CLC: variants seen among roughly 807,000 people sequenced by gnomAD.
CLC encodes the protein galectin-10.
In CLC, 15 loss-of-function variants were observed where a neutral mutation model predicts 13.9. That is an observed-to-expected ratio of 1.08 (90% confidence interval 0.72 to 1.66). The LOEUF (loss-of-function observed/expected upper bound fraction) is 1.66. Ranked by LOEUF, CLC falls within the 40% of genes most tolerant of loss-of-function variation. The pLI is 0.00. For missense variants in CLC, 161 were observed against 169.1 expected (o/e 0.95, Z 0.27); for synonymous variants, 68 against 59.9 (o/e 1.14, Z -0.63).
intron 3 of CLC, among the ~76,000 whole-genome samples, chr19:39,733,306 C>A (rs1159783267): frequency 1.3e-5 from 2 of 152,138 alleles, no homozygotes; most frequent in Non-Finnish European, 2.9e-5. Context: ...TTTGGCCTAC[C>A]CATTTGAAAT....
At chr19:39,733,988 G>C (rs961320100) in intron 3 of CLC, 7 of 985,218 alleles carry the variant, frequency 7.1e-6, no homozygotes, top group Non-Finnish European at 8.4e-6. Flanking sequence ...ATTGACCCTG[G>C]TCAGGTATGG....
chr19:39,735,086 T>G lies in CLC; in HGVS notation c.16-13A>C. 1 of 1,597,980 alleles carries G rather than the reference T, an allele frequency of 6.3e-7. No individual in the cohort carries two copies. Among genetic ancestry groups the G allele is most frequent in the Non-Finnish European group, 8.6e-7 (1 of 1,165,530 alleles). On this transcript the variant is annotated splice_polypyrimidine_tract_variant and intron_variant, in intron 1 of 3. Coordinates refer to ENST00000221804, the MANE Select transcript of CLC (RefSeq NM_001828.6). ...CTGTGTATGGCACCTGCCAGGGGATTGAGAGTGGGTGAGAGAGGCAGGGCC... is the reference window on the plus strand; with the variant it reads ...CTGTGTATGGCACCTGCCAGGGGATGGAGAGTGGGTGAGAGAGGCAGGGCC...
rs2144917629 is a variant in CLC at position 39,734,466 on chromosome 19, G to A, written c.120C>T (p.Phe40=). 6.2e-7 allele frequency: 1 copy of A among 1,614,108 alleles called. No individual in the cohort carries two copies. The highest frequency in any genetic ancestry group is 8.5e-7 in the Non-Finnish European group (1 of 1,179,972). The stretch of plus-strand genomic sequence containing the variant: ...CTGATTCCTCCTTCATCTCAGTGTG[G>A]AAATCCACCTGCAGATATGGTTCAT... ...FLNEPYLQVD[F]HTEMKEESDI... Residue 40 remains phenylalanine, a synonymous_variant, in exon 3 of 4, where the codon TTC becomes TTT. Transcript: ENST00000221804.
At chr19:39,735,886 C>G (rs1308568251) in intron 1 of CLC, among the ~76,000 whole-genome samples, 3 of 152,164 alleles carry the variant, frequency 2.0e-5, no homozygotes, top group Non-Finnish European at 1.5e-5. Flanking sequence ...TAGAGAGATT[C>G]ACTCCAGTAA....
intron 3 of CLC, 49 bp from the exon 4 acceptor site, chr19:39,731,554 G>A (rs1183428338): frequency 4.5e-6 from 7 of 1,560,034 alleles, no homozygotes; most frequent in Non-Finnish European, 6.1e-6. Context: ...CACCAAACAA[G>A]CTTTCAGCCT....
In CLC at chr19:39,735,040, C is replaced by G; in HGVS notation, c.49G>C (p.Gly17Arg). Residue 17 changes from glycine (G) to arginine (R), a missense_variant, in exon 2 of 4, where the codon GGT becomes CGT. Transcript: ENST00000221804. Reference sequence around the variant, plus strand: ...CGCCCTTTGATTGTCACAGTAGAACCAGTAGACAAAGAGGCAGCCTCTGTG... The same window carrying G: ...CGCCCTTTGATTGTCACAGTAGAACGAGTAGACAAAGAGGCAGCCTCTGTG... ...PYTEAASLST[G>R]STVTIKGRPL... The G allele has an allele frequency of 6.2e-7, 1 of 1,613,896 alleles. No individual in the cohort carries two copies. Among genetic ancestry groups the G allele is most frequent in the Non-Finnish European group, 8.5e-7 (1 of 1,179,830 alleles).
chr19:39,737,966 T>C lies in CLC; in HGVS notation c.-14A>G. The C allele has an allele frequency of 6.2e-7, 1 of 1,612,730 alleles. No homozygotes were observed. Among genetic ancestry groups the C allele is most frequent in the Non-Finnish European group, 8.5e-7 (1 of 1,179,040 alleles). On this transcript the variant is annotated 5_prime_UTR_variant, in exon 1 of 4. Coordinates refer to ENST00000221804, the MANE Select transcript of CLC (RefSeq NM_001828.6). Reference sequence around the variant, plus strand: ...TAGCAGGGACATTGTTGTCTCCTTCTGGGTGGCTCTTCTGAATTGTGTCCA... The same window carrying C: ...TAGCAGGGACATTGTTGTCTCCTTCCGGGTGGCTCTTCTGAATTGTGTCCA...
At chr19:39,733,773 A>G (rs553379379) in intron 3 of CLC, 18 of 132,060 alleles carry the variant, frequency 1.4e-4, no homozygotes, top group African/African-American at 1.1e-3. Flanking sequence ...TTCTATAAGG[A>G]TAGACTATGG....
At chr19:39,734,575 T>C in intron 2 of CLC, 82 bp from the exon 3 acceptor site, 1 of 1,252,358 alleles carries the variant, frequency 8.0e-7, no homozygotes, top group Non-Finnish European at 1.2e-6. Context: ...TCTTTGCCCC[T>C]TCCGTGGTCG....
rs556240638 is a variant in CLC at position 39,732,351 on chromosome 19, C to T, written c.304-846G>A. Reference sequence around the variant, plus strand: ...GCGGTGTTTGGTTTTTTTGTTCTTGCGATAGTTTACTGAGAATGATGATTT... The same window carrying T: ...GCGGTGTTTGGTTTTTTTGTTCTTGTGATAGTTTACTGAGAATGATGATTT... On this transcript the variant is annotated intron_variant, in intron 3 of 3. Coordinates refer to ENST00000221804, the MANE Select transcript of CLC (RefSeq NM_001828.6). 1.8e-3 allele frequency among the ~76,000 whole-genome samples: 175 copies of T among 98,634 alleles called. 1 individual carries two copies. Among genetic ancestry groups the T allele is most frequent in the South Asian group, 5.4e-3 (15 of 2,776 alleles). 64.7% of individuals were successfully genotyped at this position (98,634 alleles called of 152,430 possible). A position where few individuals can be genotyped will look rare whatever the true frequency, so the allele number is the denominator to read the frequency against.
intron 3 of CLC, among the ~76,000 whole-genome samples, chr19:39,732,637 A>G (rs1408478423): frequency 1.5e-5 from 2 of 131,810 alleles, no homozygotes; most frequent in Non-Finnish European, 3.3e-5. Flanking sequence ...TTCTAGTTCT[A>G]GATCCCTGAG....
In CLC at chr19:39,731,454, C is replaced by T; in HGVS notation, c.355G>A (p.Glu119Lys). The part of the protein sequence containing the change: ...SYTFDHRIKP[E>K]AVKMVQVWRD... ...CACACTTGCACCATCTTCACAGCCT[C>T]AGGCTTGATTCTATGGTCAAAGGTG... Residue 119 changes from glutamate (E) to lysine (K), a missense_variant, in exon 4 of 4, where the codon GAG (glutamate) becomes AAG (lysine). Physicochemically the swap from Glu to Lys is moderately conservative, Grantham distance 56. Coordinates refer to ENST00000221804, the MANE Select transcript of CLC (RefSeq NM_001828.6). The T allele has an allele frequency of 6.2e-7, 1 of 1,613,738 alleles. No homozygotes were observed. Among genetic ancestry groups the T allele is most frequent in the Non-Finnish European group, 8.5e-7 (1 of 1,179,676 alleles).
At chr19:39,736,035 G>A (rs104734) in intron 1 of CLC, among the ~76,000 whole-genome samples, 3 of 152,088 alleles carry the variant, frequency 2.0e-5, no homozygotes, top group Admixed American at 6.5e-5. Flanking sequence ...CTGTTTGTTT[G>A]GTGATTTTAT....
chr19:39,737,416 T>C (rs1967329607), intron 1 of CLC, among the ~76,000 whole-genome samples: 1 of 151,848 alleles, frequency 6.6e-6, no homozygotes, highest in Non-Finnish European at 1.5e-5. Context: ...AACCTTCACA[T>C]GCACAGAAGG....
intron 3 of CLC, among the ~76,000 whole-genome samples, chr19:39,732,805 C>T (rs1315849522): frequency 1.3e-5 from 2 of 151,604 alleles, no homozygotes; most frequent in African/African-American, 4.9e-5. Context: ...AACGTTAGAC[C>T]TAAAACCATA....
At chr19:39,737,838 C>A in intron 1 of CLC, 100 bp downstream of exon 1, 1 of 1,208,422 alleles carries the variant, frequency 8.3e-7, no homozygotes, top group Non-Finnish European at 1.2e-6. Flanking sequence ...CTCAGTAAAG[C>A]ATTCACAGTA....
In CLC at chr19:39,734,428, T is replaced by C; in HGVS notation, c.158A>G (p.His53Arg). 6.2e-7 allele frequency: 1 copy of C among 1,614,136 alleles called. No homozygotes were observed. Among genetic ancestry groups the C allele is most frequent in the South Asian group, 1.1e-5 (1 of 91,084 alleles). Reference sequence around the variant, plus strand: ...ACGACGACCAAAGCACACTTGGAAATGGAAGACAATGTCTGATTCCTCCTT... The same window carrying C: ...ACGACGACCAAAGCACACTTGGAAACGGAAGACAATGTCTGATTCCTCCTT... ...EMKEESDIVF[H>R]FQVCFGRRVV... Residue 53 changes from histidine to arginine, a missense_variant, in exon 3 of 4, where the codon CAT becomes CGT. Transcript: ENST00000221804.
chr19:39,732,084 TA>T (rs1041652716), intron 3 of CLC, among the ~76,000 whole-genome samples: 32 of 35,032 alleles, frequency 9.1e-4, no homozygotes, highest in South Asian at 5.9e-3. Flanking sequence ...ATTTATTATT[TA>T]TTTTTTTTAT....
intron 1 of CLC, among the ~76,000 whole-genome samples, chr19:39,735,419 G>A (rs1334496315): frequency 1.3e-5 from 2 of 152,140 alleles, no homozygotes; most frequent in Non-Finnish European, 2.9e-5. Flanking sequence ...AACCTCCCAG[G>A]CTCAAGCCAT....
Sources: gnomAD v4.1 joint callset for allele counts (sites outside exome capture counted in the v4.1 genomes callset) on GRCh38, gnomAD v4.1.1 for gene constraint, MANE v1.5 for transcripts, NCBI Gene and HGNC (gene_info 2026-07-23, HGNC 2026-07-21) for gene names.